The following PRMT2 variants were observed in gnomAD, a reference collection of about 807,000 sequenced individuals.
PRMT2 encodes the protein protein arginine methyltransferase 2, also known as protein arginine N-methyltransferase 2.
Under a neutral mutation model 57.6 loss-of-function variants are expected in PRMT2, and 26 were observed. That is an observed-to-expected ratio of 0.45 (90% confidence interval 0.33 to 0.63). The LOEUF is 0.63. Among genes scored for constraint, PRMT2 ranks in the 20% least tolerant of loss-of-function variants. PRMT2 has a pLI of 0.02. For missense variants in PRMT2, 472 were observed against 564.4 expected (o/e 0.84, Z 1.66); for synonymous variants, 219 against 220.0 (o/e 1.00, Z 0.04).
rs1465029724 is a variant in PRMT2, at chr21:46,648,726, C to T, written c.489+107C>T. ...TGACCCTGAGCTGTTGGGGGCTCAC[C>T]GGTGACTCCATGGTCTTGTTGAGCA... On this transcript the variant is annotated intron_variant, in intron 6 of 11. Coordinates refer to ENST00000355680, the MANE Select transcript of PRMT2 (RefSeq NM_206962.4). This position sits in a 1 kb window ranked among gnomAD's most constrained non-coding sequence, Gnocchi z 4.8. 23 of 1,402,940 alleles carry T rather than the reference C, an allele frequency of 1.6e-5. No homozygotes were observed. The highest frequency in any genetic ancestry group is 3.7e-5 in the Admixed American group (2 of 54,760). 86.9% of individuals were successfully genotyped at this position (1,402,940 alleles called of 1,614,324 possible).
At chr21:46,653,643 T>C in intron 7 of PRMT2, 1 of 1,230,706 alleles carries the variant, frequency 8.1e-7, no homozygotes, top group Non-Finnish European at 1.0e-6. Context: ...TTGATATTTC[T>C]TTTTGGTTGC....
intron 1 of PRMT2, 166 bp downstream of exon 1, chr21:46,635,929 A>T (rs1178456793): frequency 6.6e-6 from 1 of 152,326 alleles, no homozygotes; most frequent in Non-Finnish European, 1.5e-5. Flanking sequence ...CCTGGCGTCC[A>T]AACGGGAGCT....
chr21:46,662,413 T>C (rs1760894514), intron 10 of PRMT2, among the ~76,000 whole-genome samples: 1 of 152,170 alleles, frequency 6.6e-6, no homozygotes, highest in African/African-American at 2.4e-5. Context: ...GCTACCCCGC[T>C]CTGGCACCTG....
intron 4 of PRMT2, 110 bp downstream of exon 4, chr21:46,643,749 C>T (rs1383310695): frequency 8.5e-6 from 11 of 1,298,758 alleles, no homozygotes; most frequent in Middle Eastern, 2.8e-4. Flanking sequence ...TATTCAGATG[C>T]GTAGGGCCAC....
At chr21:46,664,049 A>C (rs369815708) in intron 11 of PRMT2, among the ~76,000 whole-genome samples, 3 of 152,298 alleles carry the variant, frequency 2.0e-5, no homozygotes, top group African/African-American at 4.8e-5. Flanking sequence ...GGCTGCTGAA[A>C]ATGGAATGTT....
intron 3 of PRMT2, among the ~76,000 whole-genome samples, chr21:46,640,439 T>C (rs1437549154): frequency 7.9e-4 from 49 of 61,722 alleles, no homozygotes; most frequent in African/African-American, 5.7e-3. Context: ...TTTGCCTACA[T>C]TTTTTTTTTT....
intron 8 of PRMT2, among the ~76,000 whole-genome samples, chr21:46,660,435 A>T (rs1030127472): frequency 6.6e-6 from 1 of 152,220 alleles, no homozygotes; most frequent in African/African-American, 2.4e-5. Context: ...AGATCCACAA[A>T]AGATTTTGAA....
At chr21:46,640,736 A>AC (rs1290460604) in intron 3 of PRMT2, among the ~76,000 whole-genome samples, 1 of 148,700 alleles carries the variant, frequency 6.7e-6, no homozygotes, top group African/African-American at 2.5e-5. Flanking sequence ...AAAAATCTCC[A>AC]CCATTATCTC....
intron 5 of PRMT2, among the ~76,000 whole-genome samples, chr21:46,647,381 T>C (rs1260314809): frequency 1.3e-5 from 2 of 152,186 alleles, no homozygotes; most frequent in Non-Finnish European, 2.9e-5. Context: ...CCTAATATGG[T>C]TTTCTTTTCT....
At chr21:46,654,185 A>C in intron 7 of PRMT2, 5 of 958,996 alleles carry the variant, frequency 5.2e-6, no homozygotes, top group Non-Finnish European at 6.2e-6. Context: ...TTATGTTAAA[A>C]AATGTTCATG....
intron 7 of PRMT2, chr21:46,652,487 C>G (rs2061475108): frequency 1.0e-6 from 1 of 985,282 alleles, no homozygotes; most frequent in African/African-American, 1.7e-5. Flanking sequence ...ATGCCAGAGG[C>G]CAGGAGCTTG....
rs186117756 is a variant in PRMT2 at position 46,636,486 on chromosome 21, A to G, written c.-118A>G. 152 of 156,138 alleles carry G rather than the reference A, an allele frequency of 9.7e-4. 3 individuals are homozygous for G. Among genetic ancestry groups the G allele is most frequent in the African/African-American group, 3.3e-3 (136 of 41,688 alleles). 9.7% of individuals were successfully genotyped at this position (156,138 alleles called of 1,614,324 possible). ...CACTGGAAAAATACGAATTGAGAAG[A>G]AGGAAAAGACTGGAAGATGCAGACC... is the stretch of plus-strand genomic sequence containing the variant. On this transcript the variant is annotated 5_prime_UTR_variant, in exon 2 of 12. Transcript: ENST00000355680.
Position 46,649,476 on chromosome 21 carries a change from T to C in PRMT2, c.490-99T>C, listed in dbSNP as rs1370572116. On this transcript the variant is annotated intron_variant, in intron 6 of 11. Transcript: ENST00000355680. This position sits in a 1 kb window ranked among gnomAD's most constrained non-coding sequence, Gnocchi z 4.8. ...TCTGGAATGCTGCTTCCCTCTTGTG[T>C]CATTGACCATTTCTCGTGATGCTGG... The C allele has an allele frequency of 6.4e-7, 1 of 1,573,720 alleles. No individual in the cohort carries two copies. The highest frequency in any genetic ancestry group is 1.4e-5 in the African/African-American group (1 of 74,050).
At position 46,659,732 on chromosome 21, in the gene PRMT2, A is replaced by G. The variant is rs553330158; in HGVS notation, c.830+812A>G. The G allele has an allele frequency of 5.1e-6, 5 of 985,376 alleles. No individual in the cohort carries two copies. The African/African-American group carries it at 8.7e-5, about 17-fold the overall frequency. 61.0% of individuals were successfully genotyped at this position (985,376 alleles called of 1,614,324 possible). A position where few individuals can be genotyped will look rare whatever the true frequency, so the allele number is the denominator to read the frequency against. On this transcript the variant is annotated intron_variant, in intron 8 of 11. Coordinates refer to ENST00000355680, the MANE Select transcript of PRMT2 (RefSeq NM_206962.4). ...GGCTGCCCACCCCAGTCACTGCCAGAGCCTCCCACCTGAGTGTTCCTCCCG... is the reference window on the plus strand; with the variant it reads ...GGCTGCCCACCCCAGTCACTGCCAGGGCCTCCCACCTGAGTGTTCCTCCCG...
At chr21:46,662,304 G>T (rs2061641901) in intron 10 of PRMT2, among the ~76,000 whole-genome samples, 1 of 152,222 alleles carries the variant, frequency 6.6e-6, no homozygotes, top group African/African-American at 2.4e-5. Context: ...TTTTGGAGGT[G>T]CCTGTTTTTT....
At position 46,663,563 on chromosome 21, in the gene PRMT2, C is replaced by G. The variant is rs758539003; in HGVS notation, c.1269+9C>G. On this transcript the variant is annotated intron_variant, in intron 11 of 11. Transcript: ENST00000355680. ...ACCCCACATCTCAAAAAGTAAGATA[C>G]GTAGTTGTAAGATTCTGTCCTGTGG... 1.2e-6 allele frequency: 2 copies of G among 1,612,272 alleles called. No homozygotes were observed. Among genetic ancestry groups the G allele is most frequent in the Admixed American group, 1.7e-5 (1 of 59,958 alleles).
chr21:46,650,198 G>A (rs2061428560), intron 7 of PRMT2, among the ~76,000 whole-genome samples: 1 of 152,180 alleles, frequency 6.6e-6, no homozygotes, highest in Non-Finnish European at 1.5e-5. Context: ...GGGTGGAAGT[G>A]GACTGTTTTC....
rs2061678210 is a variant in PRMT2, at chr21:46,664,709, ACCT to A, written c.*386_*388del. 1 of 259,932 alleles carries A rather than the reference ACCT, an allele frequency of 3.8e-6. No individual in the cohort carries two copies. Among genetic ancestry groups the A allele is most frequent in the Non-Finnish European group, 7.5e-6 (1 of 132,472 alleles). 16.1% of individuals were successfully genotyped at this position (259,932 alleles called of 1,614,324 possible). Reference sequence around the variant, plus strand: ...GTACCCTGTGACAGTGACTGTCCCCACCTCCTATGTTAGTGGTGCCCTTACTGC... The same window carrying A: ...GTACCCTGTGACAGTGACTGTCCCCACCTATGTTAGTGGTGCCCTTACTGC... On this transcript the variant is annotated 3_prime_UTR_variant, in exon 12 of 12. Coordinates refer to ENST00000355680, the MANE Select transcript of PRMT2 (RefSeq NM_206962.4).
At position 46,648,320 on chromosome 21, in the gene PRMT2, T is replaced by C; in HGVS notation, c.328-138T>C. On this transcript the variant is annotated intron_variant, in intron 5 of 11. Transcript: ENST00000355680. The surrounding 1 kb of genome is among the most constrained non-coding windows in gnomAD (Gnocchi z 4.8). ...ATGAGATTAACTTGGTTGACAGTGA[T>C]GTCCAGGCCTTCCATAGTCTTCCAT... is the stretch of plus-strand genomic sequence containing the variant. 3 of 786,894 alleles carry C rather than the reference T, an allele frequency of 3.8e-6. No individual in the cohort carries two copies. The highest frequency in any genetic ancestry group is 6.0e-6 in the Non-Finnish European group (3 of 499,918). The allele number at this position is 786,894 out of a possible 1,614,324, so 48.7% of individuals were successfully genotyped here.
Sources: gnomAD v4.1 joint callset for allele counts (sites outside exome capture counted in the v4.1 genomes callset) on GRCh38, gnomAD v4.1.1 for gene constraint, Gnocchi (gnomAD v3.1) non-coding constraint, MANE v1.5 for transcripts, NCBI Gene and HGNC (gene_info 2026-07-23, HGNC 2026-07-21) for gene names.